Variants in CDH13 observed in about 807,000 individuals in gnomAD.
The protein encoded by CDH13 is cadherin 13.
A neutral mutation model predicts 63.8 loss-of-function variants in CDH13; 24 were observed. The observed-to-expected ratio is 0.38, with a 90% CI of 0.27 to 0.53. CDH13 has a LOEUF of 0.53. Ranked by LOEUF, CDH13 falls within the 20% of genes least tolerant of loss-of-function variation. The pLI, the probability that CDH13 is intolerant of heterozygous loss-of-function variation, is 0.85. For synonymous variants in CDH13, 503 were observed against 355.3 expected, an observed-to-expected ratio of 1.42 and a Z score of -4.67; for missense variants, 1,049 against 903.1, an observed-to-expected ratio of 1.16 and a Z score of -2.07.
intron 7 of CDH13, among the ~76,000 whole-genome samples, chr16:83,555,347 A>G (rs2075581176): frequency 6.6e-6 from 1 of 152,212 alleles, no homozygotes; most frequent in Non-Finnish European, 1.5e-5. Context: ...ACTTTCAGAA[A>G]CCAAGACCCT....
intron 3 of CDH13, among the ~76,000 whole-genome samples, chr16:83,065,635 G>A (rs929318854): frequency 6.0e-5 from 9 of 151,066 alleles, no homozygotes; most frequent in Non-Finnish European, 1.5e-5. Context: ...AGCCCAGGGG[G>A]CAGAGGTTGC....
intron 5 of CDH13, among the ~76,000 whole-genome samples, chr16:83,269,133 C>A (rs1395109921): frequency 1.3e-5 from 2 of 152,206 alleles, no homozygotes; most frequent in Non-Finnish European, 2.9e-5. Context: ...ACAAAAGCAG[C>A]TGCTTTTCTC....
intron 4 of CDH13, among the ~76,000 whole-genome samples, chr16:83,154,676 G>C (rs2037132607): frequency 6.6e-6 from 1 of 152,028 alleles, no homozygotes; most frequent in African/African-American, 2.4e-5. Flanking sequence ...CATTGACTAA[G>C]CAACTCTCAG....
At chr16:82,856,404 A>T (rs1436610717) in intron 1 of CDH13, among the ~76,000 whole-genome samples, 1 of 149,474 alleles carries the variant, frequency 6.7e-6, no homozygotes, top group Non-Finnish European at 1.5e-5. Context: ...AGAAAAGAAA[A>T]GAAAAGAAAA....
At chr16:82,993,420 CAA>C (rs986659442) in intron 2 of CDH13, among the ~76,000 whole-genome samples, 4 of 152,022 alleles carry the variant, frequency 2.6e-5, no homozygotes, top group Admixed American at 2.6e-4. Flanking sequence ...TGAAAAAAAA[CAA>C]AGAATGGTCC....
At chr16:83,114,468 C>T (rs759422771) in intron 3 of CDH13, among the ~76,000 whole-genome samples, 1 of 152,150 alleles carries the variant, frequency 6.6e-6, no homozygotes, top group Non-Finnish European at 1.5e-5. Context: ...CCTATGAATC[C>T]ACCAACCATC....
At chr16:83,663,598 C>T (rs1332116703) in intron 8 of CDH13, among the ~76,000 whole-genome samples, 1 of 152,168 alleles carries the variant, frequency 6.6e-6, no homozygotes, top group Non-Finnish European at 1.5e-5. Flanking sequence ...AAAGATGTGA[C>T]ATTCAGCATT....
In CDH13 at chr16:83,010,508, G is replaced by A. The variant is rs1755568432; in HGVS notation, c.158-21502G>A. ...TTTCTCCTGATTTATCTCCTTTTGA[G>A]CACTTAATGAAGAGGAACCCCACTC... On this transcript the variant is annotated intron_variant, in intron 2 of 13. Coordinates refer to ENST00000567109, the MANE Select transcript of CDH13 (RefSeq NM_001257.5). 2.0e-5 allele frequency among the ~76,000 whole-genome samples: 3 copies of A among 152,040 alleles called. No homozygotes were observed. In the South Asian group the frequency reaches 6.2e-4, roughly 32 times the overall value.
At chr16:82,714,940 G>A (rs1477806334) in intron 1 of CDH13, among the ~76,000 whole-genome samples, 2 of 115,918 alleles carry the variant, frequency 1.7e-5, no homozygotes, top group Non-Finnish European at 3.8e-5. Flanking sequence ...CCAGAACTGT[G>A]AGCGATCACA....
chr16:83,532,244 G>A (rs1310467257), intron 7 of CDH13, among the ~76,000 whole-genome samples: 1 of 152,280 alleles, frequency 6.6e-6, no homozygotes, highest in East Asian at 1.9e-4. Flanking sequence ...TTTATCAACA[G>A]TGTGAAAACA....
At chr16:82,654,192 A>G (rs17177428) in intron 1 of CDH13, among the ~76,000 whole-genome samples, 76,907 of 151,924 alleles carry the variant, frequency 0.51, 19,905 homozygotes, top group African/African-American at 0.64. Context: ...TTAGAGAGTC[A>G]CCTAGAGATT....
intron 8 of CDH13, among the ~76,000 whole-genome samples, chr16:83,661,296 G>A (rs1018759752): frequency 1.3e-5 from 2 of 152,060 alleles, no homozygotes; most frequent in Non-Finnish European, 2.9e-5. Context: ...AGGCCAGCCT[G>A]AGCAGTATAG....
At chr16:82,848,919 A>G (rs1050382128) in intron 1 of CDH13, among the ~76,000 whole-genome samples, 6 of 152,230 alleles carry the variant, frequency 3.9e-5, no homozygotes, top group African/African-American at 1.2e-4. Flanking sequence ...AAAGTTGTGA[A>G]TGCAAAGGAA....
chr16:83,074,916 C>T (rs2032713764), intron 3 of CDH13, among the ~76,000 whole-genome samples: 1 of 152,232 alleles, frequency 6.6e-6, no homozygotes, highest in Admixed American at 6.5e-5. Flanking sequence ...TGGTGTCCAA[C>T]ACTTATAATG....
chr16:82,644,238 C>T lies in CDH13; in HGVS notation c.45+17101C>T, dbSNP rs1362182413. ...ATTCAATAGCCTAGTAATGAGAAGTCAATCTAAGGTCTAAGGCTGGGAAAG... is the reference window on the plus strand; with the variant it reads ...ATTCAATAGCCTAGTAATGAGAAGTTAATCTAAGGTCTAAGGCTGGGAAAG... On this transcript the variant is annotated intron_variant, in intron 1 of 13. Transcript: ENST00000567109. The surrounding 1 kb of genome is among the most constrained non-coding windows in gnomAD (Gnocchi z 5.7). 6.6e-6 allele frequency among the ~76,000 whole-genome samples: 1 copy of T among 152,124 alleles called. No individual in the cohort carries two copies. Among genetic ancestry groups the T allele is most frequent in the East Asian group, 1.9e-4 (1 of 5,182 alleles).
chr16:83,650,426 G>T (rs1173416688), intron 8 of CDH13, among the ~76,000 whole-genome samples: 1 of 152,134 alleles, frequency 6.6e-6, no homozygotes. Flanking sequence ...TTGAATCTAT[G>T]ACCAAATAAG....
chr16:83,409,351 C>A (rs1292373942), intron 6 of CDH13, among the ~76,000 whole-genome samples: 1 of 152,220 alleles, frequency 6.6e-6, no homozygotes, highest in African/African-American at 2.4e-5. Flanking sequence ...CCAAGCAGAG[C>A]TGCCTGCTGT....
intron 2 of CDH13, among the ~76,000 whole-genome samples, chr16:82,919,327 A>C (rs987922334): frequency 6.6e-6 from 1 of 152,174 alleles, no homozygotes; most frequent in Non-Finnish European, 1.5e-5. Context: ...CCTAGTATCC[A>C]ATAGTTATTT....
intron 6 of CDH13, among the ~76,000 whole-genome samples, chr16:83,429,548 G>A (rs1567666736): frequency 6.8e-6 from 1 of 146,080 alleles, no homozygotes; most frequent in Non-Finnish European, 1.5e-5. Flanking sequence ...ACACAGCATT[G>A]AAGATGACCC....
Sources: allele counts gnomAD v4.1 joint callset (sites outside exome capture counted in the v4.1 genomes callset), GRCh38; gene constraint gnomAD v4.1.1; non-coding constraint Gnocchi (gnomAD v3.1); transcripts MANE v1.5; gene names NCBI Gene and HGNC (gene_info 2026-07-23, HGNC 2026-07-21).